Variants in NDST4 observed in about 807,000 individuals in gnomAD.
NDST4 encodes the protein N-heparan sulfate sulfotransferase 4.
Under a neutral mutation model 100.8 loss-of-function variants are expected in NDST4, and 63 were observed. That is an observed-to-expected ratio of 0.62 (90% confidence interval 0.51 to 0.77). NDST4 has a LOEUF of 0.77. NDST4 is among the 30% of genes least tolerant of loss of function. The pLI, the probability that NDST4 is intolerant of heterozygous loss-of-function variation, is 0.00. For synonymous variants in NDST4, 377 were observed against 361.8 expected (o/e 1.04, Z -0.48); for missense variants, 943 against 1,018.4 (o/e 0.93, Z 1.01).
At chr4:115,014,437 G>A (rs1182672212) in intron 2 of NDST4, among the ~76,000 whole-genome samples, 2 of 152,058 alleles carry the variant, frequency 1.3e-5, no homozygotes, top group African/African-American at 4.8e-5. Flanking sequence ...AGGGGCTAAT[G>A]GTATTGGTCA....
chr4:115,086,256 T>G (rs918946650), intron 1 of NDST4, among the ~76,000 whole-genome samples: 3 of 152,126 alleles, frequency 2.0e-5, no homozygotes, highest in Admixed American at 2.0e-4. Context: ...CAAAAAATAT[T>G]ATGATATTAT....
chr4:114,828,258 G>T (rs1046102048), intron 13 of NDST4, among the ~76,000 whole-genome samples: 8 of 152,040 alleles, frequency 5.3e-5, no homozygotes, highest in Non-Finnish European at 4.4e-5. Context: ...ATGAGATAGG[G>T]ACTGCATGAG....
chr4:114,891,170 C>T (rs76032320), intron 6 of NDST4, among the ~76,000 whole-genome samples: 1 of 152,086 alleles, frequency 6.6e-6, no homozygotes, highest in African/African-American at 2.4e-5. Flanking sequence ...ACTCTCAGTT[C>T]ACACTTTGTT....
chr4:114,849,270 C>T (rs1008566513), intron 8 of NDST4, among the ~76,000 whole-genome samples: 1 of 152,216 alleles, frequency 6.6e-6, no homozygotes, highest in African/African-American at 2.4e-5. Flanking sequence ...CATGAACTGA[C>T]TGGGTCATCA....
intron 2 of NDST4, among the ~76,000 whole-genome samples, chr4:115,057,505 A>C (rs889559681): frequency 1.3e-5 from 2 of 152,122 alleles, no homozygotes; most frequent in Admixed American, 6.6e-5. Flanking sequence ...CCTGCAGAAA[A>C]ATGCCAACCT....
intron 2 of NDST4, among the ~76,000 whole-genome samples, chr4:115,061,347 A>G (rs1396006006): frequency 6.6e-6 from 1 of 152,164 alleles, no homozygotes; most frequent in African/African-American, 2.4e-5. Flanking sequence ...AGCACTATTT[A>G]CAATAGCAAA....
intron 6 of NDST4, among the ~76,000 whole-genome samples, chr4:114,871,996 T>G (rs1724158913): frequency 6.6e-6 from 1 of 151,960 alleles, no homozygotes; most frequent in Non-Finnish European, 1.5e-5. Context: ...AGAAGAAAAG[T>G]CAAGTGTCTC....
At chr4:115,037,434 C>T (rs1432546270) in intron 2 of NDST4, among the ~76,000 whole-genome samples, 2 of 152,048 alleles carry the variant, frequency 1.3e-5, no homozygotes. Flanking sequence ...TATATAAACT[C>T]AAAGTGAGCT....
chr4:114,884,400 G>A (rs7674844), intron 6 of NDST4, among the ~76,000 whole-genome samples: 23,211 of 152,082 alleles, frequency 0.15, 1,960 homozygotes, highest in African/African-American at 0.19. Flanking sequence ...ACTGAAAACT[G>A]CTAGTGAATT....
At chr4:114,937,143 G>T (rs886438828) in intron 5 of NDST4, among the ~76,000 whole-genome samples, 175 bp downstream of exon 5, 1 of 152,200 alleles carries the variant, frequency 6.6e-6, no homozygotes. Context: ...TTAGGAGCAA[G>T]CCTATCACCA....
chr4:115,035,859 A>T (rs1728222356), intron 2 of NDST4, among the ~76,000 whole-genome samples: 1 of 152,074 alleles, frequency 6.6e-6, no homozygotes, highest in Non-Finnish European at 1.5e-5. Context: ...TTAGTAAAAC[A>T]TATAATTCAT....
At chr4:114,986,832 A>ATATATATATATATATATATTTTTTTTTT in intron 2 of NDST4, among the ~76,000 whole-genome samples, 2 of 94,656 alleles carry the variant, frequency 2.1e-5, no homozygotes, top group South Asian at 4.3e-4. Flanking sequence ...ATATATATAT[A>ATATATATATATATATATATTTTTTTTTT]TTTTAATATA....
chr4:114,860,326 G>A (rs116611615), intron 7 of NDST4, among the ~76,000 whole-genome samples: 4,080 of 152,224 alleles, frequency 0.027, 56 homozygotes, highest in Non-Finnish European at 0.032. Flanking sequence ...TGGCAGAGAA[G>A]GCTGAACTAT....
intron 1 of NDST4, among the ~76,000 whole-genome samples, chr4:115,102,522 T>A (rs184589344): frequency 1.2e-4 from 18 of 152,178 alleles, no homozygotes; most frequent in Admixed American, 1.2e-3. Flanking sequence ...AGAAGTTACA[T>A]TAATATCCAT....
intron 2 of NDST4, among the ~76,000 whole-genome samples, chr4:115,027,337 C>T (rs531104384): frequency 4.6e-5 from 7 of 152,188 alleles, no homozygotes; most frequent in Admixed American, 4.6e-4. Context: ...GTTTGCCAAC[C>T]CATGCATTGA....
At chr4:114,894,818 C>T (rs1042731783) in intron 6 of NDST4, among the ~76,000 whole-genome samples, 10 of 152,008 alleles carry the variant, frequency 6.6e-5, no homozygotes, top group Admixed American at 5.2e-4. Flanking sequence ...TGTCTTTTAC[C>T]GGTTTTTAAA....
rs1420711135 is a variant in NDST4 at position 115,010,075 on chromosome 4, T to G, written c.979-32801A>C. Among the ~76,000 whole-genome samples, 8 of 119,582 alleles carry G rather than the reference T, an allele frequency of 6.7e-5. 1 individual carries two copies. The highest frequency in any genetic ancestry group is 1.0e-4 in the Non-Finnish European group (6 of 57,180). The allele number at this position is 119,582 out of a possible 152,430, so 78.5% of individuals were successfully genotyped here. A position where few individuals can be genotyped will look rare whatever the true frequency, so the allele number is the denominator to read the frequency against. ...GGATGTGGAGAAATAGGAACACTTT[T>G]ACACTGTTGGTGGGACTGTAAACTA... is the stretch of plus-strand genomic sequence containing the variant. On this transcript the variant is annotated intron_variant, in intron 2 of 13. Transcript: ENST00000264363.
At chr4:114,934,803 T>G (rs1365094286) in intron 6 of NDST4, among the ~76,000 whole-genome samples, 1 of 152,060 alleles carries the variant, frequency 6.6e-6, no homozygotes, top group Non-Finnish European at 1.5e-5. Flanking sequence ...GTTAATTAGA[T>G]TGATTTAATT....
chr4:115,021,389 TATACATTCCATATAA>T (rs1185280116), intron 2 of NDST4, among the ~76,000 whole-genome samples: 34 of 151,674 alleles, frequency 2.2e-4, no homozygotes, highest in Non-Finnish European at 4.4e-4. Context: ...ATTCCATATA[TATACATTCCATATAA>T]ATACATTCCA....
Sources: gnomAD v4.1 joint callset for allele counts (sites outside exome capture counted in the v4.1 genomes callset) on GRCh38, gnomAD v4.1.1 for gene constraint, MANE v1.5 for transcripts, NCBI Gene and HGNC (gene_info 2026-07-23, HGNC 2026-07-21) for gene names.